The following CPNE4 variants were observed in gnomAD, a reference collection of about 807,000 sequenced individuals.
CPNE4 encodes copine 4, also known as copine-4.
In CPNE4, 25 loss-of-function variants were observed where a neutral mutation model predicts 67.9. That is an observed-to-expected ratio of 0.37 (90% CI 0.27 to 0.51). The LOEUF is 0.51. CPNE4 is among the 20% of genes least tolerant of loss of function. CPNE4 has a pLI of 0.93. For synonymous variants in CPNE4, 242 were observed against 244.9 expected (o/e 0.99, Z 0.11); for missense variants, 464 against 690.8 (o/e 0.67, Z 3.68).
In CPNE4 at chr3:131,615,891, T is replaced by TCACACA. The variant is rs746630965; in HGVS notation, c.682-28315_682-28310dup. Among the ~76,000 whole-genome samples the TCACACA allele has an allele frequency of 9.1e-3, 984 of 107,770 alleles. 8 individuals carry two copies. The highest frequency in any genetic ancestry group is 0.017 in the Middle Eastern group (4 of 230). The allele number at this position is 107,770 out of a possible 152,430, so 70.7% of individuals were successfully genotyped here. On this transcript the variant is annotated intron_variant, in intron 7 of 15. Coordinates refer to ENST00000429747, the MANE Select transcript of CPNE4 (RefSeq NM_130808.3). ...AAGAGCAAAACCCCATCTCTCTCTCTCACACACACACACACACACACACAC... is the reference window on the plus strand; with the variant it reads ...AAGAGCAAAACCCCATCTCTCTCTCTCACACACACACACACACACACACACACACAC...
chr3:131,977,686 TA>T (rs1459668556), intron 1 of CPNE4, among the ~76,000 whole-genome samples: 1 of 152,238 alleles, frequency 6.6e-6, no homozygotes, highest in South Asian at 2.1e-4. Flanking sequence ...AGATTTTTAT[TA>T]AAAATATTTT....
At chr3:131,921,492 A>T (rs2070738848) in intron 1 of CPNE4, among the ~76,000 whole-genome samples, 3 of 152,198 alleles carry the variant, frequency 2.0e-5, no homozygotes, top group Admixed American at 6.5e-5. Flanking sequence ...AAAAACTTTC[A>T]GAGTGATCAA....
intron 7 of CPNE4, among the ~76,000 whole-genome samples, chr3:131,624,345 G>A (rs1940628110): frequency 6.6e-6 from 1 of 152,092 alleles, no homozygotes; most frequent in African/African-American, 2.4e-5. Context: ...TGATATCTGG[G>A]TCTGGGTTTC....
intron 2 of CPNE4, among the ~76,000 whole-genome samples, chr3:131,772,797 C>T (rs1024810092): frequency 1.3e-5 from 2 of 152,078 alleles, no homozygotes; most frequent in African/African-American, 2.4e-5. Context: ...TAGACTACAT[C>T]ATGAATGTGC....
At chr3:131,811,184 C>G (rs2084511770) in intron 2 of CPNE4, among the ~76,000 whole-genome samples, 1 of 151,378 alleles carries the variant, frequency 6.6e-6, no homozygotes, top group Non-Finnish European at 1.5e-5. Flanking sequence ...GTTGAGTGTT[C>G]TTACCACACA....
At chr3:131,779,004 C>T (rs147616804) in intron 2 of CPNE4, among the ~76,000 whole-genome samples, 12 of 152,156 alleles carry the variant, frequency 7.9e-5, no homozygotes, top group African/African-American at 2.9e-4. Flanking sequence ...GATACAGAAT[C>T]AATGTAAACA....
intron 1 of CPNE4, among the ~76,000 whole-genome samples, chr3:131,999,824 C>G (rs1560761895): frequency 2.0e-5 from 3 of 151,986 alleles, no homozygotes; most frequent in African/African-American, 7.2e-5. Context: ...CTAGAGCATA[C>G]TAATGTGATG....
intron 2 of CPNE4, among the ~76,000 whole-genome samples, chr3:131,862,715 A>T (rs112213039): frequency 0.012 from 1,571 of 131,618 alleles, 15 homozygotes; most frequent in Non-Finnish European, 0.019. Context: ...ATATATATAT[A>T]TTTTTATTAT....
intron 1 of CPNE4, among the ~76,000 whole-genome samples, chr3:131,935,028 G>A (rs2071181988): frequency 6.6e-6 from 1 of 152,152 alleles, no homozygotes; most frequent in African/African-American, 2.4e-5. Context: ...ATATTAATAA[G>A]TATTTTGTGA....
chr3:131,648,403 C>T (rs1165308371), intron 7 of CPNE4, among the ~76,000 whole-genome samples: 1 of 152,092 alleles, frequency 6.6e-6, no homozygotes, highest in Non-Finnish European at 1.5e-5. Context: ...ATAATAAAAA[C>T]CTATCTGCTT....
chr3:131,785,165 C>G (rs147268218), intron 2 of CPNE4, among the ~76,000 whole-genome samples: 5 of 152,204 alleles, frequency 3.3e-5, no homozygotes, highest in Admixed American at 1.3e-4. Flanking sequence ...ATTATTTAAT[C>G]CTTGCAATTC....
At chr3:131,851,595 G>T (rs1270435760) in intron 2 of CPNE4, among the ~76,000 whole-genome samples, 1 of 152,020 alleles carries the variant, frequency 6.6e-6, no homozygotes, top group African/African-American at 2.4e-5. Flanking sequence ...CAAAGAAGTT[G>T]GTGATGATAG....
intron 7 of CPNE4, among the ~76,000 whole-genome samples, chr3:131,625,099 T>C (rs567315361): frequency 1.8e-4 from 28 of 152,302 alleles, no homozygotes; most frequent in African/African-American, 6.0e-4. Flanking sequence ...CCTTTCTCTC[T>C]CTTTGCACCT....
intron 2 of CPNE4, among the ~76,000 whole-genome samples, chr3:131,899,988 T>G (rs895783505): frequency 2.6e-5 from 4 of 152,028 alleles, no homozygotes; most frequent in African/African-American, 9.7e-5. Context: ...GGGCACACAT[T>G]ATCCCTTCTG....
At chr3:132,005,015 C>G (rs1390312966) in intron 1 of CPNE4, among the ~76,000 whole-genome samples, 1 of 151,922 alleles carries the variant, frequency 6.6e-6, no homozygotes, top group Non-Finnish European at 1.5e-5. Context: ...ACTACTGGGG[C>G]CATGTGACTA....
At chr3:131,849,646 T>C (rs1423226200) in intron 2 of CPNE4, among the ~76,000 whole-genome samples, 2 of 152,114 alleles carry the variant, frequency 1.3e-5, no homozygotes, top group Non-Finnish European at 2.9e-5. Context: ...GGTATGTCAA[T>C]TCTGAGCCCA....
At chr3:131,573,368 G>T (rs1237518710) in intron 10 of CPNE4, among the ~76,000 whole-genome samples, 2 of 152,114 alleles carry the variant, frequency 1.3e-5, no homozygotes, top group African/African-American at 4.8e-5. Context: ...TACTCTCAGT[G>T]GGGGAAGGTC....
intron 1 of CPNE4, chr3:131,925,630 A>G (rs1161121285): frequency 6.6e-6 from 1 of 152,196 alleles, no homozygotes; most frequent in Admixed American, 6.6e-5. Context: ...AAAAATAGGA[A>G]GAGAAAGAAG....
At chr3:131,930,937 G>A (rs552635767) in intron 1 of CPNE4, among the ~76,000 whole-genome samples, 2 of 152,182 alleles carry the variant, frequency 1.3e-5, no homozygotes, top group South Asian at 4.2e-4. Context: ...GGTGCTATGA[G>A]ATAAGACAAA....
Sources: gnomAD v4.1 joint callset for allele counts (sites outside exome capture counted in the v4.1 genomes callset) on GRCh38, gnomAD v4.1.1 for gene constraint, MANE v1.5 for transcripts, NCBI Gene and HGNC (gene_info 2026-07-23, HGNC 2026-07-21) for gene names.